The following IRS4 variants were observed in gnomAD, a reference collection of about 807,000 sequenced individuals.
IRS4 encodes 160 kDa phosphotyrosine protein.
Under a neutral mutation model 48.6 loss-of-function variants are expected in IRS4, and 15 were observed. The observed-to-expected ratio is 0.31, with a 90% CI of 0.21 to 0.48. The LOEUF (loss-of-function observed/expected upper bound fraction) is 0.48, where lower values mean the gene tolerates loss of function less well. Ranked by LOEUF, IRS4 falls within the 20% of genes least tolerant of loss-of-function variation. The probability of loss-of-function intolerance (pLI) is 0.99; values close to 1 mark genes in which losing one functional copy is unlikely to be tolerated. For missense variants in IRS4, 987 were observed against 1,023.4 expected (o/e 0.96, Z 0.49); for synonymous variants, 459 against 413.2 (o/e 1.11, Z -1.34).
Position 108,733,985 on chromosome X carries a change from C to G in IRS4, c.2360G>C (p.Gly787Ala), listed in dbSNP as rs760863193. 1 of 1,211,497 alleles carries G rather than the reference C, an allele frequency of 8.3e-7. No homozygotes were observed. Among genetic ancestry groups the G allele is most frequent in the Admixed American group, 2.2e-5 (1 of 46,071 alleles). The part of the protein sequence containing the change: ...SDYMFMAPGA[G>A]AIPKNPRNPQ... Reference sequence around the variant, plus strand: ...ATTTCTGGGGTTTTTTGGAATTGCACCGGCTCCAGGAGCCATAAACATGTA... The same window carrying G: ...ATTTCTGGGGTTTTTTGGAATTGCAGCGGCTCCAGGAGCCATAAACATGTA... The change falls in exon 1 of 2, where the codon GGT (glycine) becomes GCT (alanine). Residue 787 changes from glycine to alanine, a missense_variant. Coordinates refer to ENST00000372129, the MANE Select transcript of IRS4 (RefSeq NM_001379150.1).
Position 108,734,471 on chromosome X carries a change from T to C in IRS4, c.1874A>G (p.Gln625Arg), listed in dbSNP as rs201781212. 19 of 1,209,881 alleles carry C rather than the reference T, an allele frequency of 1.6e-5. No homozygotes were observed. Among genetic ancestry groups the C allele is most frequent in the Non-Finnish European group, 2.0e-5 (18 of 895,216 alleles). Residue 625 changes from glutamine (Q) to arginine (R), a missense_variant, in exon 1 of 2, where the codon CAG (glutamine) becomes CGG (arginine). Physicochemically the swap from Gln to Arg is conservative, Grantham distance 43 (BLOSUM62 1). Coordinates refer to ENST00000372129, the MANE Select transcript of IRS4 (RefSeq NM_001379150.1). ...YFGKLTQSKQ[Q>R]QMPPPPPPPP... ...AGGTGGTGGAGGTGGTGGCATTTGC[T>C]GTTGCTTGCTTTGAGTTAATTTGCC...
At position 108,721,085 on chromosome X, in the gene IRS4, G is replaced by T. The variant is rs1419338968; in HGVS notation, c.*1434C>A. ...TTTTAACAGAGTTTACACACAACAG[G>T]TACATCTACAATCACATGTACACAG... On this transcript the variant is annotated 3_prime_UTR_variant, in exon 2 of 2. Transcript: ENST00000372129. 1 of 112,588 alleles carries T rather than the reference G, an allele frequency of 8.9e-6. No homozygotes were observed. Among genetic ancestry groups the T allele is most frequent in the African/African-American group, 3.2e-5 (1 of 30,976 alleles). 9.3% of individuals were successfully genotyped at this position (112,588 alleles called of 1,213,427 possible).
In IRS4 at chrX:108,722,518, A is replaced by G. The variant is rs753930646; in HGVS notation, c.*1T>C. The G allele has an allele frequency of 6.1e-6, 2 of 326,816 alleles. No homozygotes were observed. The highest frequency in any genetic ancestry group is 1.2e-5 in the Non-Finnish European group (2 of 168,446). The allele number at this position is 326,816 out of a possible 1,213,427, so 26.9% of individuals were successfully genotyped here. ...TAAAATGTGTTTTTGTGGCAATATA[A>G]TCACTCTAGGAAAAAGATAATAAAA... On this transcript the variant is annotated 3_prime_UTR_variant, in exon 2 of 2. Coordinates refer to ENST00000372129, the MANE Select transcript of IRS4 (RefSeq NM_001379150.1).
chrX:108,729,361 C>T (rs1480261266), intron 1 of IRS4, among the ~76,000 whole-genome samples: 2 of 109,604 alleles, frequency 1.8e-5, no homozygotes, highest in Non-Finnish European at 3.8e-5. Context: ...TCTCTCACCC[C>T]TCCTAGAGCT....
chrX:108,733,514 G>A lies in IRS4; in HGVS notation c.2831C>T (p.Ser944Leu), dbSNP rs771919696. ...TCTGGGTTCAGCAATTATGCCCCAC[G>A]AATCTGGTAGTCCTTGAGTAGAGGG... is the stretch of plus-strand genomic sequence containing the variant. ...PAPSTQGLPD[S>L]WGIIAEPRQS... Residue 944 changes from serine to leucine, a missense_variant, in exon 1 of 2, where the codon TCG (serine) becomes TTG (leucine). By Grantham distance (145) the Ser-to-Leu change is moderately radical. This residue lies in a region of IRS4 where 720 missense variants were observed against 660.3 expected (regional missense o/e 1.09). Transcript: ENST00000372129. 8.3e-7 allele frequency: 1 copy of A among 1,211,828 alleles called. No homozygotes were observed. Among genetic ancestry groups the A allele is most frequent in the Non-Finnish European group, 1.1e-6 (1 of 895,455 alleles).
At position 108,735,036 on chromosome X, in the gene IRS4, C is replaced by T. The variant is rs1387569128; in HGVS notation, c.1309G>A (p.Ala437Thr). The T allele has an allele frequency of 5.0e-6, 6 of 1,210,168 alleles. No individual in the cohort carries two copies. The African/African-American group carries it at 1.0e-4, about 21-fold the overall frequency. The change falls in exon 1 of 2, where the codon GCA becomes ACA. Residue 437 changes from alanine (A) to threonine (T), a missense_variant. Transcript: ENST00000372129. ...TGCCGGGGACGTGCTGGGCTGGGTG[C>T]TAAGCGGCGAAAAAAGCTGGCCGGC... ...SVPASFFRRLAPSPARPRHPA... is the reference protein window; with the variant it reads ...SVPASFFRRLTPSPARPRHPA...
rs747711371 is a variant in IRS4 at position 108,732,849 on chromosome X, C to G, written c.3496G>C (p.Val1166Leu). 5.8e-5 allele frequency: 68 copies of G among 1,170,316 alleles called. 1 individual carries two copies. In the South Asian group the frequency reaches 1.2e-3, roughly 22 times the overall value. ...GCTTCGGCATCAGCAGCATTAGCAA[C>G]AGGTTGAAACCAGCGGGCAGAGGCG... ...DSASARWFQP[V>L]ANAADAEAVR... Residue 1166 changes from valine (V) to leucine (L), a missense_variant, in exon 1 of 2, where the codon GTT becomes CTT. Transcript: ENST00000372129.
chrX:108,736,145 T>C lies in IRS4; in HGVS notation c.200A>G (p.Glu67Gly). The C allele has an allele frequency of 7.4e-6, 9 of 1,210,567 alleles. No individual in the cohort carries two copies. Among genetic ancestry groups the C allele is most frequent in the African/African-American group, 1.7e-5 (1 of 57,754 alleles). ...GACGGGCAGGTCCTCCTCTTCGGAC[T>C]CGGAGTCTGACCGGGAGCCAGTGGC... ...STATGSRSDS[E>G]SEEEDLPVGE... is the part of the protein sequence containing the mutation. The change falls in exon 1 of 2, where the codon GAG (glutamate) becomes GGG (glycine). Residue 67 changes from glutamate to glycine, a missense_variant. By Grantham distance (98) the Glu-to-Gly change is moderately conservative. Around this residue, in one of 4 missense-constraint regions of IRS4, gnomAD observed 173 missense variants for 208.9 expected, o/e 0.83. Coordinates refer to ENST00000372129, the MANE Select transcript of IRS4 (RefSeq NM_001379150.1).
intron 1 of IRS4, among the ~76,000 whole-genome samples, chrX:108,728,187 A>G (rs765541707): frequency 5.3e-4 from 59 of 112,047 alleles, no homozygotes; most frequent in African/African-American, 1.7e-3. Context: ...AAGATTAACC[A>G]ACTCCTCCCT....
intron 1 of IRS4, chrX:108,724,278 T>C (rs1272797582): frequency 8.9e-6 from 1 of 111,964 alleles, no homozygotes; most frequent in African/African-American, 3.2e-5. Context: ...TGATTCATAT[T>C]GCCATTGCTT....
Position 108,733,004 on chromosome X carries a change from G to A in IRS4, c.3341C>T (p.Pro1114Leu). 8.3e-7 allele frequency: 1 copy of A among 1,207,815 alleles called. No individual in the cohort carries two copies. The highest frequency in any genetic ancestry group is 1.8e-5 in the South Asian group (1 of 56,916). Residue 1114 changes from proline to leucine, a missense_variant, in exon 1 of 2, where the codon CCA becomes CTA. Transcript: ENST00000372129. ...CGAAGCGACAGCCGGGGCTGAGGAT[G>A]GGGAAAGGTCTCTCTCGAGGCTGTC... is the stretch of plus-strand genomic sequence containing the variant. ...PTDSLERDLS[P>L]SSAPAVASAA...
Position 108,736,462 on chromosome X carries a change from C to A in IRS4, c.-118G>T. The stretch of plus-strand genomic sequence containing the variant: ...GCCCCAGCCCCCTCCTGCCTTGGCC[C>A]GCGCCCCCGCCCACTCCACTCTGAG... On this transcript the variant is annotated 5_prime_UTR_variant, in exon 1 of 2. Coordinates refer to ENST00000372129, the MANE Select transcript of IRS4 (RefSeq NM_001379150.1). 1 of 1,092,246 alleles carries A rather than the reference C, an allele frequency of 9.2e-7. No homozygotes were observed. The highest frequency in any genetic ancestry group is 1.2e-6 in the Non-Finnish European group (1 of 813,342). 90.0% of individuals were successfully genotyped at this position (1,092,246 alleles called of 1,213,427 possible). A position where few individuals can be genotyped will look rare whatever the true frequency, so the allele number is the denominator to read the frequency against.
At position 108,735,971 on chromosome X, in the gene IRS4, G is replaced by A; in HGVS notation, c.374C>T (p.Ala125Val). The A allele has an allele frequency of 8.3e-7, 1 of 1,208,341 alleles. No homozygotes were observed. The highest frequency in any genetic ancestry group is 1.1e-6 in the Non-Finnish European group (1 of 894,077). ...GGCGGCCGCCGCTGCTGCAGCCGCC[G>A]CGGCGCGGACACTGTGCCGGAACTT... ...ARKFRHSVRA[A>V]AAAAAAAASG... Residue 125 changes from alanine to valine, a missense_variant, in exon 1 of 2, where the codon GCG (alanine) becomes GTG (valine). Around this residue, in one of 4 missense-constraint regions of IRS4, gnomAD observed 173 missense variants for 208.9 expected, o/e 0.83. Coordinates refer to ENST00000372129, the MANE Select transcript of IRS4 (RefSeq NM_001379150.1).
At chrX:108,726,288 T>C (rs974303233) in intron 1 of IRS4, 1 of 112,067 alleles carries the variant, frequency 8.9e-6, no homozygotes, top group Admixed American at 9.4e-5. Context: ...TACCCAGTCA[T>C]CATTTCTGAG....
Position 108,733,370 on chromosome X carries a change from C to T in IRS4, c.2975G>A (p.Ser992Asn). The T allele has an allele frequency of 8.3e-7, 1 of 1,211,983 alleles. No individual in the cohort carries two copies. Among genetic ancestry groups the T allele is most frequent in the Non-Finnish European group, 1.1e-6 (1 of 895,604 alleles). Residue 992 changes from serine (S) to asparagine (N), a missense_variant, in exon 1 of 2, where the codon AGT becomes AAT. Ser to Asn is a conservative substitution (Grantham distance 46). This residue lies in a region of IRS4 where 720 missense variants were observed against 660.3 expected (regional missense o/e 1.09). Transcript: ENST00000372129. ...AAGGGGAGGAAGTGGCCACCTAGCA[C>T]TGTCCAGAGATAAGGGGTTGGCACG... ...IPRANPLSLD[S>N]ARWPLPPLPL...
At chrX:108,729,372 G>T (rs767528523) in intron 1 of IRS4, among the ~76,000 whole-genome samples, 4 of 108,085 alleles carry the variant, frequency 3.7e-5, no homozygotes, top group African/African-American at 3.4e-5. Flanking sequence ...TCCTAGAGCT[G>T]CCCTTTTATA....
chrX:108,731,731 G>C (rs1474554530), intron 1 of IRS4, among the ~76,000 whole-genome samples: 1 of 111,641 alleles, frequency 9.0e-6, no homozygotes, highest in Admixed American at 9.5e-5. Flanking sequence ...TGTTTTAACT[G>C]CTTTTTAAAC....
chrX:108,732,137 A>C (rs1004694879), intron 1 of IRS4, among the ~76,000 whole-genome samples: 37 of 112,678 alleles, frequency 3.3e-4, no homozygotes, highest in Non-Finnish European at 3.4e-4. Context: ...GTTGATTATT[A>C]CTGCTTAATA....
Position 108,733,480 on chromosome X carries a change from G to A in IRS4, c.2865C>T (p.Ala955=). The part of the protein sequence containing the change: ...WGIIAEPRQS[A]FSNYVNVEFG... Reference sequence around the variant, plus strand: ...ACTCAACATTCACATAATTAGAAAAGGCTGACTGTCTGGGTTCAGCAATTA... The same window carrying A: ...ACTCAACATTCACATAATTAGAAAAAGCTGACTGTCTGGGTTCAGCAATTA... Residue 955 remains alanine, a synonymous_variant, in exon 1 of 2, where the codon GCC becomes GCT. Coordinates refer to ENST00000372129, the MANE Select transcript of IRS4 (RefSeq NM_001379150.1). The A allele has an allele frequency of 8.3e-7, 1 of 1,211,571 alleles. No homozygotes were observed. Among genetic ancestry groups the A allele is most frequent in the Non-Finnish European group, 1.1e-6 (1 of 895,503 alleles).
Sources: allele counts gnomAD v4.1 joint callset (sites outside exome capture counted in the v4.1 genomes callset), GRCh38; gene constraint gnomAD v4.1.1; regional missense constraint gnomAD v4.1.1; transcripts MANE v1.5; gene names NCBI Gene and HGNC (gene_info 2026-07-23, HGNC 2026-07-21).